FAM91A1: variants seen among roughly 807,000 people sequenced by gnomAD.
FAM91A1 encodes the protein family with sequence similarity 91 member A1, also known as protein FAM91A1.
A neutral mutation model predicts 113.5 loss-of-function variants in FAM91A1; 41 were observed. That is an observed-to-expected ratio of 0.36 (90% CI 0.28 to 0.47). The LOEUF (loss-of-function observed/expected upper bound fraction) is 0.47, where lower values mean the gene tolerates loss of function less well. Ranked by LOEUF, FAM91A1 falls within the 20% of genes least tolerant of loss-of-function variation. FAM91A1 has a pLI of 1.00. For missense variants in FAM91A1, 696 were observed against 1,001.2 expected (o/e 0.70, Z 4.11); for synonymous variants, 307 against 347.9 (o/e 0.88, Z 1.31).
At chr8:123,806,712 A>G (rs1815821386) in intron 20 of FAM91A1, among the ~76,000 whole-genome samples, 1 of 151,966 alleles carries the variant, frequency 6.6e-6, no homozygotes, top group Admixed American at 6.6e-5. Flanking sequence ...TAAGTCTCTC[A>G]TGTCCATTTC....
At chr8:123,794,183 A>G (rs2130115505) in intron 15 of FAM91A1, among the ~76,000 whole-genome samples, 1 of 152,322 alleles carries the variant, frequency 6.6e-6, no homozygotes, top group African/African-American at 2.4e-5. Context: ...CTTATGGGAT[A>G]ATTTTTATGA....
rs57808944 is a variant in FAM91A1, at chr8:123,804,490, TAAAAAAAAA to T, written c.1810-754_1810-746del. 1.6e-4 allele frequency among the ~76,000 whole-genome samples: 12 copies of T among 73,834 alleles called. 1 individual carries two copies. Among genetic ancestry groups the T allele is most frequent in the Admixed American group, 1.2e-3 (7 of 5,852 alleles). The allele number at this position is 73,834 out of a possible 152,430, so 48.4% of individuals were successfully genotyped here. A position where few individuals can be genotyped will look rare whatever the true frequency, so the allele number is the denominator to read the frequency against. Reference sequence around the variant, plus strand: ...TGAGTAACAGAGCAAGACTCTGTTTTAAAAAAAAAAAAAAAAAAAAAAAAAAAAAAAGAG... The same window carrying T: ...TGAGTAACAGAGCAAGACTCTGTTTTAAAAAAAAAAAAAAAAAAAAAAGAG... On this transcript the variant is annotated intron_variant, in intron 18 of 23. Coordinates refer to ENST00000334705, the MANE Select transcript of FAM91A1 (RefSeq NM_144963.4).
chr8:123,809,294 C>A (rs1815891817), intron 22 of FAM91A1, among the ~76,000 whole-genome samples: 1 of 152,080 alleles, frequency 6.6e-6, no homozygotes, highest in Non-Finnish European at 1.5e-5. Flanking sequence ...AATGGGCATG[C>A]TGATATGGAG....
At chr8:123,801,005 G>A (rs1036168007) in intron 18 of FAM91A1, among the ~76,000 whole-genome samples, 1 of 152,140 alleles carries the variant, frequency 6.6e-6, no homozygotes, top group African/African-American at 2.4e-5. Flanking sequence ...AAGTTTTTCT[G>A]TGGACATATG....
chr8:123,768,903 T>G, intron 1 of FAM91A1, 129 bp downstream of exon 1: 11 of 937,088 alleles, frequency 1.2e-5, no homozygotes, highest in Non-Finnish European at 1.8e-5. Flanking sequence ...TCCGTGGTCT[T>G]GGGGAGACGG....
intron 8 of FAM91A1, among the ~76,000 whole-genome samples, chr8:123,782,643 T>G (rs1815152467): frequency 6.6e-6 from 1 of 152,336 alleles, no homozygotes; most frequent in East Asian, 1.9e-4. Context: ...TTGAGAACTT[T>G]TGTCGTATAT....
intron 18 of FAM91A1, among the ~76,000 whole-genome samples, chr8:123,800,991 G>T (rs1404959882): frequency 6.6e-6 from 1 of 152,076 alleles, no homozygotes; most frequent in Non-Finnish European, 1.5e-5. Context: ...AAACATTTGT[G>T]TACAAGTTTT....
intron 13 of FAM91A1, 129 bp from the exon 14 acceptor site, chr8:123,787,535 G>T: frequency 3.0e-6 from 3 of 988,990 alleles, no homozygotes; most frequent in Non-Finnish European, 4.4e-6. Context: ...TTTGTAATTG[G>T]AAGAATTAGC....
At position 123,808,875 on chromosome 8, in the gene FAM91A1, TTATG is replaced by T. The variant is rs1815878508; in HGVS notation, c.2138-14_2138-11del. 6.2e-7 allele frequency: 1 copy of T among 1,600,780 alleles called. No homozygotes were observed. Among genetic ancestry groups the T allele is most frequent in the Non-Finnish European group, 8.5e-7 (1 of 1,174,110 alleles). On this transcript the variant is annotated splice_polypyrimidine_tract_variant and intron_variant, in intron 21 of 23. Coordinates refer to ENST00000334705, the MANE Select transcript of FAM91A1 (RefSeq NM_144963.4). Reference sequence around the variant, plus strand: ...AGATATATATGATAAAAAAATAAGTTTATGTATCCTTTCTTAGGTGCCACAACAG... The same window carrying T: ...AGATATATATGATAAAAAAATAAGTTTATCCTTTCTTAGGTGCCACAACAG...
rs1370469364 is a variant in FAM91A1 at position 123,812,970 on chromosome 8, T to C, written c.*266T>C. 1.5e-5 allele frequency: 4 copies of C among 274,264 alleles called. No homozygotes were observed. The highest frequency in any genetic ancestry group is 2.7e-5 in the Non-Finnish European group (4 of 147,864). 17.0% of individuals were successfully genotyped at this position (274,264 alleles called of 1,614,324 possible). ...CTTTTATAAAACTAAGTATATACTT[T>C]ATAGGCTTTATGATGACTGTTATGT... On this transcript the variant is annotated 3_prime_UTR_variant, in exon 24 of 24. Transcript: ENST00000334705.
At chr8:123,780,433 CTG>C (rs1314071933) in intron 7 of FAM91A1, 45 bp from the exon 8 acceptor site, 1 of 1,401,846 alleles carries the variant, frequency 7.1e-7, no homozygotes, top group Non-Finnish European at 9.9e-7. Flanking sequence ...AAAAAAATCA[CTG>C]TTGTGTAGTG....
Position 123,772,941 on chromosome 8 carries a change from A to G in FAM91A1, c.73-1139A>G, listed in dbSNP as rs554045484. Among the ~76,000 whole-genome samples, 23 of 152,270 alleles carry G rather than the reference A, an allele frequency of 1.5e-4. No individual in the cohort carries two copies. The South Asian group carries it at 3.7e-3, about 25-fold the overall frequency. On this transcript the variant is annotated intron_variant, in intron 1 of 23. Coordinates refer to ENST00000334705, the MANE Select transcript of FAM91A1 (RefSeq NM_144963.4). ...CACAGAGGTCTTCATCCTTCTCTTC[A>G]CATCAAGTAGGCTGAGGAGGAGGAG... is the stretch of plus-strand genomic sequence containing the variant.
intron 20 of FAM91A1, among the ~76,000 whole-genome samples, chr8:123,807,480 C>CAAAAAAAAAAAA (rs546080328): frequency 2.4e-3 from 139 of 58,150 alleles, no homozygotes; most frequent in East Asian, 6.4e-3. Flanking sequence ...CCTGTCTCTA[C>CAAAAAAAAAAAA]AAAAAAAAAA....
chr8:123,775,784 G>A (rs781700027), intron 3 of FAM91A1, among the ~76,000 whole-genome samples: 1 of 152,116 alleles, frequency 6.6e-6, no homozygotes, highest in Non-Finnish European at 1.5e-5. Flanking sequence ...GGCCAACATG[G>A]TGAAACCCCG....
chr8:123,809,809 T>A, intron 22 of FAM91A1, among the ~76,000 whole-genome samples: 1 of 152,310 alleles, frequency 6.6e-6, no homozygotes, highest in South Asian at 2.1e-4. Context: ...ATAGAAATAC[T>A]ATAGAACTTT....
At position 123,799,863 on chromosome 8, in the gene FAM91A1, C is replaced by G; in HGVS notation, c.1787C>G (p.Thr596Arg). 6.3e-7 allele frequency: 1 copy of G among 1,597,750 alleles called. No individual in the cohort carries two copies. Among genetic ancestry groups the G allele is most frequent in the Non-Finnish European group, 8.6e-7 (1 of 1,168,328 alleles). ...NVLTMLNDAL[T>R]HSAVLIQGHG... ...CTCACGATGTTGAATGATGCTTTAA[C>G]ACATTCTGCAGTTTTAATTCAGGTA... The change falls in exon 18 of 24, where the codon ACA becomes AGA. Residue 596 changes from threonine (T) to arginine (R), a missense_variant. Transcript: ENST00000334705.
intron 3 of FAM91A1, among the ~76,000 whole-genome samples, chr8:123,775,794 G>A (rs571324197): frequency 6.1e-4 from 93 of 152,134 alleles, no homozygotes; most frequent in African/African-American, 2.0e-3. Context: ...GTGAAACCCC[G>A]TCTCTACTAA....
intron 3 of FAM91A1, among the ~76,000 whole-genome samples, chr8:123,776,831 G>A (rs1200659669): frequency 6.6e-6 from 1 of 152,198 alleles, no homozygotes; most frequent in Non-Finnish European, 1.5e-5. Context: ...ATTGGGACTT[G>A]TGGGATCAAA....
At chr8:123,810,247 T>C (rs754900474) in intron 22 of FAM91A1, 35 bp from the exon 23 acceptor site, 2 of 1,578,256 alleles carry the variant, frequency 1.3e-6, no homozygotes, top group Non-Finnish European at 1.7e-6. Flanking sequence ...CCTTTATGTT[T>C]GTTTTAAACT....
Sources: allele counts gnomAD v4.1 joint callset (sites outside exome capture counted in the v4.1 genomes callset), GRCh38; gene constraint gnomAD v4.1.1; transcripts MANE v1.5; gene names NCBI Gene and HGNC (gene_info 2026-07-23, HGNC 2026-07-21).